CDH13: variants seen among roughly 807,000 people sequenced by gnomAD.
CDH13 encodes the protein cadherin-13.
Under a neutral mutation model 63.8 loss-of-function variants are expected in CDH13, and 24 were observed. That is an observed-to-expected ratio of 0.38 (90% CI 0.27 to 0.53). The LOEUF (loss-of-function observed/expected upper bound fraction) is 0.53, where lower values mean the gene tolerates loss of function less well. CDH13 is among the 20% of genes least tolerant of loss of function. CDH13 has a pLI of 0.85. For synonymous variants in CDH13, 503 were observed against 355.3 expected (o/e 1.42, Z -4.67); for missense variants, 1,049 against 903.1 (o/e 1.16, Z -2.07).
rs566985116 is a variant in CDH13, at chr16:82,711,325, A to G, written c.45+84188A>G. Reference sequence around the variant, plus strand: ...GTCTTAGAATCTCCAGTGATCCTGCAGGACCCTCATCCCGTGGTTTTAAAC... The same window carrying G: ...GTCTTAGAATCTCCAGTGATCCTGCGGGACCCTCATCCCGTGGTTTTAAAC... On this transcript the variant is annotated intron_variant, in intron 1 of 13. Transcript: ENST00000567109. Among the ~76,000 whole-genome samples the G allele has an allele frequency of 9.9e-4, 151 of 152,308 alleles. 1 individual carries two copies. The highest frequency in any genetic ancestry group is 6.4e-3 in the South Asian group (31 of 4,816).
chr16:82,993,452 A>G (rs1911874575), intron 2 of CDH13, among the ~76,000 whole-genome samples: 1 of 152,150 alleles, frequency 6.6e-6, no homozygotes, highest in Non-Finnish European at 1.5e-5. Context: ...GAGGTGTGTA[A>G]ATTGACTCCG....
intron 2 of CDH13, among the ~76,000 whole-genome samples, chr16:82,940,191 T>G (rs1182311700): frequency 6.6e-6 from 1 of 152,116 alleles, no homozygotes; most frequent in Non-Finnish European, 1.5e-5. Context: ...CCAAACCATA[T>G]CAGTAGGTCA....
At chr16:83,792,645 C>G (rs1402116923) in intron 13 of CDH13, among the ~76,000 whole-genome samples, 1 of 152,290 alleles carries the variant, frequency 6.6e-6, no homozygotes, top group Admixed American at 6.5e-5. Flanking sequence ...AAAGAATTAT[C>G]CAACCCCAAA....
chr16:82,897,861 G>A (rs1202709053), intron 2 of CDH13, among the ~76,000 whole-genome samples: 1 of 152,116 alleles, frequency 6.6e-6, no homozygotes. Context: ...TTTATCATTG[G>A]CCATTTATTC....
chr16:83,780,197 C>G lies in CDH13; in HGVS notation c.1911C>G (p.Ile637Met). ...ATAAAGTCTGGAAGATCTCCAAGAT[C>G]AACAGTAAGTCTGGCTAAAGCATTT... Reference protein sequence around the residue: ...VPDKVWKISKINNTHALVSLL... With the variant: ...VPDKVWKISKMNNTHALVSLL... Residue 637 changes from isoleucine to methionine, a missense_variant, in exon 12 of 14, where the codon ATC becomes ATG. Physicochemically the swap from Ile to Met is conservative, Grantham distance 10. Transcript: ENST00000567109. The G allele has an allele frequency of 1.3e-6, 2 of 1,582,836 alleles. No homozygotes were observed. Among genetic ancestry groups the G allele is most frequent in the Non-Finnish European group, 1.7e-6 (2 of 1,159,420 alleles).
intron 7 of CDH13, among the ~76,000 whole-genome samples, chr16:83,558,078 G>A (rs1221064753): frequency 2.0e-5 from 3 of 152,096 alleles, no homozygotes; most frequent in Non-Finnish European, 4.4e-5. Context: ...CAGTCTACAG[G>A]GCTCATTTCT....
At chr16:83,301,025 GTTTTTTTTTTT>G (rs3052591) in intron 5 of CDH13, among the ~76,000 whole-genome samples, 1 of 78,756 alleles carries the variant, frequency 1.3e-5, no homozygotes, top group East Asian at 4.6e-4. Flanking sequence ...ACTTTCTGGG[GTTTTTTTTTTT>G]TTTTTTTTTT....
intron 1 of CDH13, among the ~76,000 whole-genome samples, chr16:82,834,816 C>G (rs1431599985): frequency 6.6e-6 from 1 of 152,212 alleles, no homozygotes; most frequent in African/African-American, 2.4e-5. Flanking sequence ...CAGCCTGCCA[C>G]TTGTGTGTGG....
chr16:82,989,402 T>G (rs1388546906), intron 2 of CDH13, among the ~76,000 whole-genome samples: 1 of 152,174 alleles, frequency 6.6e-6, no homozygotes, highest in Non-Finnish European at 1.5e-5. Context: ...GACATGGCAG[T>G]GTGAGCTGGA....
At chr16:83,271,422 T>TAAA (rs56382330) in intron 5 of CDH13, among the ~76,000 whole-genome samples, 875 of 25,940 alleles carry the variant, frequency 0.034, 183 homozygotes, top group African/African-American at 0.041. Flanking sequence ...GCAGAGTTCA[T>TAAA]AAAAAAAAAA....
At position 83,602,614 on chromosome 16, in the gene CDH13, A is replaced by T; in HGVS notation, c.1101+20A>T. 6.2e-7 allele frequency: 1 copy of T among 1,613,312 alleles called. No individual in the cohort carries two copies. Among genetic ancestry groups the T allele is most frequent in the Non-Finnish European group, 8.5e-7 (1 of 1,179,288 alleles). ...AAAGAGGTAAACCCCTGTGCCAAAC[A>T]CCAACCACCACTGTGGTCACAGCTA... is the stretch of plus-strand genomic sequence containing the variant. On this transcript the variant is annotated intron_variant, in intron 8 of 13. Transcript: ENST00000567109.
intron 11 of CDH13, among the ~76,000 whole-genome samples, chr16:83,777,026 C>T (rs943982228): frequency 5.3e-5 from 8 of 152,220 alleles, no homozygotes; most frequent in African/African-American, 1.9e-4. Context: ...CTTCCCACTT[C>T]CCACTGCACT....
intron 5 of CDH13, among the ~76,000 whole-genome samples, chr16:83,224,548 G>A (rs574440702): frequency 3.3e-5 from 5 of 152,326 alleles, no homozygotes; most frequent in African/African-American, 9.6e-5. Flanking sequence ...ACCTAGGCAA[G>A]AGCCCTGAGT....
chr16:82,631,435 G>A (rs1907997894), intron 1 of CDH13, among the ~76,000 whole-genome samples: 1 of 152,176 alleles, frequency 6.6e-6, no homozygotes. Context: ...AAAGGAGAAG[G>A]AAATATCCCC....
chr16:83,708,594 C>T (rs1422005853), intron 10 of CDH13, among the ~76,000 whole-genome samples: 1 of 152,190 alleles, frequency 6.6e-6, no homozygotes, highest in Non-Finnish European at 1.5e-5. Context: ...CACACCGCCT[C>T]CACTCCCCAA....
chr16:83,155,891 A>G (rs927885525), intron 4 of CDH13, among the ~76,000 whole-genome samples: 5 of 152,236 alleles, frequency 3.3e-5, no homozygotes, highest in Non-Finnish European at 5.9e-5. Flanking sequence ...AAAAGCTTCA[A>G]TGCCCAAGAC....
At chr16:83,700,249 C>G (rs894094510) in intron 10 of CDH13, among the ~76,000 whole-genome samples, 1 of 152,166 alleles carries the variant, frequency 6.6e-6, no homozygotes, top group African/African-American at 2.4e-5. Context: ...CGTGTTGTCA[C>G]CTGTGTCACC....
intron 2 of CDH13, among the ~76,000 whole-genome samples, chr16:82,875,398 A>T (rs1180960494): frequency 6.6e-6 from 1 of 152,194 alleles, no homozygotes; most frequent in East Asian, 1.9e-4. Context: ...AAGATACTTA[A>T]TTAAAATAGA....
chr16:83,138,768 C>G lies in CDH13; in HGVS notation c.483+13267C>G, dbSNP rs181232774. On this transcript the variant is annotated intron_variant, in intron 4 of 13. Transcript: ENST00000567109. ...GGGTAACACCTGAAGGCTGAGAAAA[C>G]CAGGAGCAGGGGTGACAAAGAGGGA... 1.7e-4 allele frequency among the ~76,000 whole-genome samples: 26 copies of G among 151,604 alleles called. No individual in the cohort carries two copies. In the South Asian group the frequency reaches 2.3e-3, roughly 13 times the overall value.
Sources: allele counts gnomAD v4.1 joint callset (sites outside exome capture counted in the v4.1 genomes callset), GRCh38; gene constraint gnomAD v4.1.1; transcripts MANE v1.5; gene names NCBI Gene and HGNC (gene_info 2026-07-23, HGNC 2026-07-21).